OPCML: variants seen among roughly 807,000 people sequenced by gnomAD.
OPCML encodes opioid-binding protein/cell adhesion molecule.
Under a neutral mutation model 37.8 loss-of-function variants are expected in OPCML, and 13 were observed. The ratio of observed to expected loss-of-function variants is 0.34; its 90% CI spans 0.22 to 0.55. The LOEUF (loss-of-function observed/expected upper bound fraction) is 0.55. Among genes scored for constraint, OPCML ranks in the 20% least tolerant of loss-of-function variants. OPCML has a pLI of 0.91. For missense variants in OPCML, 341 were observed against 435.6 expected (o/e 0.78, Z 1.93); for synonymous variants, 176 against 168.8 (o/e 1.04, Z -0.33).
intron 1 of OPCML, among the ~76,000 whole-genome samples, chr11:133,140,381 A>G (rs11605231): frequency 0.91 from 135,083 of 148,080 alleles, 61,861 homozygotes; most frequent in East Asian, 1. Flanking sequence ...AGGGTGTGGC[A>G]GCGGGCACCT....
intron 3 of OPCML, among the ~76,000 whole-genome samples, chr11:132,583,269 C>T (rs907724737): frequency 6.6e-6 from 1 of 151,772 alleles, no homozygotes; most frequent in Non-Finnish European, 1.5e-5. Flanking sequence ...TTGTTTGATC[C>T]AAGATTATTA....
chr11:133,353,916 A>AAT (rs1233412164), intron 1 of OPCML, among the ~76,000 whole-genome samples: 7 of 152,148 alleles, frequency 4.6e-5, no homozygotes, highest in African/African-American at 1.4e-4. Flanking sequence ...AAAAAGAAAA[A>AAT]ATATATATCC....
At chr11:133,450,056 G>A (rs147487465) in intron 1 of OPCML, among the ~76,000 whole-genome samples, 1,838 of 151,794 alleles carry the variant, frequency 0.012, 18 homozygotes, top group Middle Eastern at 0.054. Context: ...GCCTCTGGGC[G>A]TTGTCTTATG....
intron 2 of OPCML, among the ~76,000 whole-genome samples, chr11:132,901,487 C>T (rs1944060344): frequency 6.6e-6 from 1 of 152,192 alleles, no homozygotes; most frequent in African/African-American, 2.4e-5. Context: ...ATGTAACAGA[C>T]TCTCAATCAC....
At chr11:133,488,482 T>C (rs985233683) in intron 1 of OPCML, among the ~76,000 whole-genome samples, 1 of 151,888 alleles carries the variant, frequency 6.6e-6, no homozygotes, top group African/African-American at 2.4e-5. Flanking sequence ...AAGGGCTAAA[T>C]CAAGAATGCA....
chr11:132,572,092 G>A (rs554277530), intron 3 of OPCML, among the ~76,000 whole-genome samples: 2 of 150,292 alleles, frequency 1.3e-5, no homozygotes, highest in Admixed American at 6.6e-5. Flanking sequence ...CAAGTATTTA[G>A]CCCATTTTTA....
At chr11:133,136,728 T>C (rs1460025037) in intron 1 of OPCML, among the ~76,000 whole-genome samples, 1 of 151,710 alleles carries the variant, frequency 6.6e-6, no homozygotes, top group African/African-American at 2.4e-5. Context: ...AATGCTACAT[T>C]GGAAGTAAGA....
intron 3 of OPCML, among the ~76,000 whole-genome samples, chr11:132,615,986 C>T (rs933868905): frequency 6.6e-6 from 1 of 152,200 alleles, no homozygotes; most frequent in African/African-American, 2.4e-5. Context: ...CTAGGCTACA[C>T]TTGAAGAAGC....
At chr11:132,760,084 C>T (rs921720396) in intron 2 of OPCML, among the ~76,000 whole-genome samples, 14 of 152,070 alleles carry the variant, frequency 9.2e-5, no homozygotes, top group African/African-American at 2.7e-4. Context: ...GCAGGTTGTT[C>T]AGTTTCTATG....
rs2095937527 is a variant in OPCML, at chr11:132,416,048, A to T, written c.*4145T>A. 6.6e-6 allele frequency: 1 copy of T among 152,622 alleles called. No individual in the cohort carries two copies. The highest frequency in any genetic ancestry group is 6.5e-5 in the Admixed American group (1 of 15,282). 9.5% of individuals were successfully genotyped at this position (152,622 alleles called of 1,614,324 possible). A position where few individuals can be genotyped will look rare whatever the true frequency, so the allele number is the denominator to read the frequency against. On this transcript the variant is annotated 3_prime_UTR_variant, in exon 8 of 8. Coordinates refer to ENST00000524381, the MANE Select transcript of OPCML (RefSeq NM_001012393.5). ...AATAGGAGGGGAGGCAATTGGGTAT[A>T]AGAGTTTCCAAGATAAGGTCACGTG...
chr11:132,647,345 T>A (rs548937824), intron 3 of OPCML, among the ~76,000 whole-genome samples: 40 of 152,310 alleles, frequency 2.6e-4, no homozygotes, highest in African/African-American at 7.2e-4. Context: ...GTTTATAAGA[T>A]GACCGCCACC....
intron 1 of OPCML, among the ~76,000 whole-genome samples, chr11:133,041,408 G>A (rs2136946182): frequency 1.3e-5 from 2 of 152,274 alleles, no homozygotes; most frequent in South Asian, 4.1e-4. Flanking sequence ...CAATGCATTT[G>A]CCTCTCTTTC....
chr11:133,412,489 C>G (rs534013885), intron 1 of OPCML, among the ~76,000 whole-genome samples: 1 of 152,314 alleles, frequency 6.6e-6, no homozygotes, highest in South Asian at 2.1e-4. Context: ...TATCCAACAG[C>G]ACCTTAGTCC....
At chr11:132,606,327 A>T (rs1938290878) in intron 3 of OPCML, among the ~76,000 whole-genome samples, 1 of 152,124 alleles carries the variant, frequency 6.6e-6, no homozygotes, top group African/African-American at 2.4e-5. Context: ...CCTGCTGGGG[A>T]GACGCTCGTC....
chr11:132,808,125 A>G (rs1474027377), intron 2 of OPCML, among the ~76,000 whole-genome samples: 1 of 152,176 alleles, frequency 6.6e-6, no homozygotes, highest in Non-Finnish European at 1.5e-5. Context: ...ATTTGGTTCA[A>G]TTTTATACTA....
chr11:133,414,768 G>T (rs1471915275), intron 1 of OPCML, among the ~76,000 whole-genome samples: 2 of 152,106 alleles, frequency 1.3e-5, no homozygotes, highest in Non-Finnish European at 2.9e-5. Context: ...AACAGACTGT[G>T]CCATTTGAAA....
intron 2 of OPCML, among the ~76,000 whole-genome samples, chr11:132,852,648 G>C (rs1177678264): frequency 6.6e-6 from 1 of 152,038 alleles, no homozygotes; most frequent in Non-Finnish European, 1.5e-5. Context: ...GAAAAGGAAA[G>C]AAGACAATGC....
chr11:133,322,165 C>A (rs573140576), intron 1 of OPCML, among the ~76,000 whole-genome samples: 2 of 152,260 alleles, frequency 1.3e-5, no homozygotes, highest in South Asian at 4.2e-4. Flanking sequence ...TATGGTCTTT[C>A]TTACTCAGCA....
intron 2 of OPCML, among the ~76,000 whole-genome samples, chr11:132,666,715 C>A (rs531948311): frequency 2.0e-5 from 3 of 152,262 alleles, no homozygotes; most frequent in South Asian, 4.1e-4. Flanking sequence ...GAAGGCAGGG[C>A]AGCCATGTGG....
Sources: gnomAD v4.1 joint callset for allele counts (sites outside exome capture counted in the v4.1 genomes callset) on GRCh38, gnomAD v4.1.1 for gene constraint, MANE v1.5 for transcripts, NCBI Gene and HGNC (gene_info 2026-07-23, HGNC 2026-07-21) for gene names.